Variants in CHRM3 observed in about 807,000 individuals in gnomAD.
The protein encoded by CHRM3 is cholinergic receptor muscarinic 3.
Under a neutral mutation model 41.8 loss-of-function variants are expected in CHRM3, and 11 were observed. The ratio of observed to expected loss-of-function variants is 0.26; its 90% confidence interval spans 0.17 to 0.44. CHRM3 has a LOEUF of 0.44. Among genes scored for constraint, CHRM3 ranks in the 20% least tolerant of loss-of-function variants. The pLI, the probability that CHRM3 is intolerant of heterozygous loss-of-function variation, is 1.00. For missense variants in CHRM3, 571 were observed against 745.4 expected (o/e 0.77, Z 2.72); for synonymous variants, 297 against 301.4 (o/e 0.99, Z 0.15).
At chr1:239,761,404 G>T (rs1572209230) in intron 5 of CHRM3, among the ~76,000 whole-genome samples, 3 of 152,190 alleles carry the variant, frequency 2.0e-5, no homozygotes, top group South Asian at 4.2e-4. Flanking sequence ...TTTATGTGTT[G>T]CATGTTTCTG....
intron 6 of CHRM3, among the ~76,000 whole-genome samples, chr1:239,862,930 T>C (rs1362283411): frequency 6.6e-6 from 1 of 152,240 alleles, no homozygotes; most frequent in Non-Finnish European, 1.5e-5. Flanking sequence ...AAGCTTGAGA[T>C]GAAAGATATA....
intron 6 of CHRM3, among the ~76,000 whole-genome samples, chr1:239,878,751 T>C (rs1477759598): frequency 6.6e-6 from 1 of 152,096 alleles, no homozygotes; most frequent in Admixed American, 6.5e-5. Flanking sequence ...TGCCCTCAGA[T>C]GATTACAGGT....
intron 5 of CHRM3, among the ~76,000 whole-genome samples, chr1:239,808,968 G>A (rs999653512): frequency 1.3e-5 from 2 of 150,218 alleles, no homozygotes; most frequent in African/African-American, 2.5e-5. Flanking sequence ...AAGTTGGTGA[G>A]TTGATATTTC....
intron 5 of CHRM3, among the ~76,000 whole-genome samples, chr1:239,679,543 G>A (rs16838681): frequency 0.035 from 5,266 of 152,096 alleles, 133 homozygotes; most frequent in Admixed American, 0.059. Flanking sequence ...ACCAGGTCAC[G>A]TTTATTCTTA....
At chr1:239,565,868 A>T (rs1661310134) in intron 3 of CHRM3, among the ~76,000 whole-genome samples, 2 of 151,476 alleles carry the variant, frequency 1.3e-5, no homozygotes, top group Non-Finnish European at 2.9e-5. Context: ...ACACCACATG[A>T]GAAACATGAG....
At chr1:239,598,166 A>G (rs1380139808) in intron 3 of CHRM3, among the ~76,000 whole-genome samples, 1 of 152,114 alleles carries the variant, frequency 6.6e-6, no homozygotes, top group Non-Finnish European at 1.5e-5. Flanking sequence ...GTGCTTTGTA[A>G]GACCCCAGGA....
At chr1:239,508,625 T>G (rs907542903) in intron 2 of CHRM3, among the ~76,000 whole-genome samples, 9 of 152,172 alleles carry the variant, frequency 5.9e-5, no homozygotes, top group Admixed American at 1.3e-4. Flanking sequence ...AAACTCCTAT[T>G]TATAATTCCA....
chr1:239,712,521 G>A (rs900352198), intron 5 of CHRM3, among the ~76,000 whole-genome samples: 2 of 152,178 alleles, frequency 1.3e-5, no homozygotes, highest in African/African-American at 4.8e-5. Flanking sequence ...AAGAACAGAA[G>A]TCTCTGTAAG....
chr1:239,879,342 A>T (rs866303394), intron 6 of CHRM3, among the ~76,000 whole-genome samples: 1 of 152,042 alleles, frequency 6.6e-6, no homozygotes, highest in South Asian at 2.1e-4. Context: ...CTGCTGGCCC[A>T]CCCTGCGAAG....
chr1:239,442,710 T>C (rs747434272), intron 1 of CHRM3, among the ~76,000 whole-genome samples: 11 of 152,186 alleles, frequency 7.2e-5, no homozygotes, highest in Non-Finnish European at 1.2e-4. Flanking sequence ...ACCCAGGTCT[T>C]ATTTTGAGTT....
At chr1:239,620,147 T>C (rs1419976340) in intron 3 of CHRM3, among the ~76,000 whole-genome samples, 1 of 152,224 alleles carries the variant, frequency 6.6e-6, no homozygotes, top group African/African-American at 2.4e-5. Flanking sequence ...TAGATCTGGA[T>C]GTGTTTTTCC....
intron 6 of CHRM3, among the ~76,000 whole-genome samples, chr1:239,860,916 A>AT (rs1675583340): frequency 6.6e-6 from 1 of 152,178 alleles, no homozygotes; most frequent in African/African-American, 2.4e-5. Flanking sequence ...TGTAGTCATT[A>AT]TATCTATTTT....
chr1:239,827,725 T>A (rs1672567366), intron 6 of CHRM3, among the ~76,000 whole-genome samples: 1 of 152,172 alleles, frequency 6.6e-6, no homozygotes, highest in African/African-American at 2.4e-5. Context: ...CACAGATAAT[T>A]TAAAAATCTT....
At chr1:239,696,652 C>G (rs905851114) in intron 5 of CHRM3, among the ~76,000 whole-genome samples, 1 of 152,164 alleles carries the variant, frequency 6.6e-6, no homozygotes, top group Non-Finnish European at 1.5e-5. Flanking sequence ...TTAAAGTACA[C>G]AGATTCAGTA....
chr1:239,875,955 TA>T (rs1677076390), intron 6 of CHRM3, among the ~76,000 whole-genome samples: 1 of 152,206 alleles, frequency 6.6e-6, no homozygotes, highest in Non-Finnish European at 1.5e-5. Flanking sequence ...TGAAATGTTG[TA>T]GGAGAAGGAA....
In CHRM3 at chr1:239,671,195, T is replaced by G. The variant is rs545266245; in HGVS notation, c.-249-6991T>G. On this transcript the variant is annotated intron_variant, in intron 4 of 6. Coordinates refer to ENST00000676153, the MANE Select transcript of CHRM3 (RefSeq NM_001375978.1). Reference sequence around the variant, plus strand: ...CATAGGATTACTAGACTCCTCAAATTCTAATCAACCATTTCTTCAACTCAG... The same window carrying G: ...CATAGGATTACTAGACTCCTCAAATGCTAATCAACCATTTCTTCAACTCAG... Among the ~76,000 whole-genome samples the G allele has an allele frequency of 3.0e-4, 45 of 152,314 alleles. No individual in the cohort carries two copies. The South Asian group carries it at 8.9e-3, about 30-fold the overall frequency.
At chr1:239,816,367 G>A (rs1447607856) in intron 5 of CHRM3, among the ~76,000 whole-genome samples, 5 of 151,976 alleles carry the variant, frequency 3.3e-5, no homozygotes, top group African/African-American at 2.4e-5. Flanking sequence ...TTAAATCTAC[G>A]TAATCCTGTT....
chr1:239,594,945 C>T (rs1412005490), intron 3 of CHRM3, among the ~76,000 whole-genome samples: 4 of 152,052 alleles, frequency 2.6e-5, no homozygotes, highest in South Asian at 2.1e-4. Flanking sequence ...CAAAATTAGC[C>T]GGGCGTGGTG....
chr1:239,569,512 T>C (rs2148528055), intron 3 of CHRM3, among the ~76,000 whole-genome samples: 1 of 152,332 alleles, frequency 6.6e-6, no homozygotes, highest in East Asian at 1.9e-4. Flanking sequence ...TTATGTATTT[T>C]CAGTAAGTTC....
Sources: gnomAD v4.1 joint callset for allele counts (sites outside exome capture counted in the v4.1 genomes callset) on GRCh38, gnomAD v4.1.1 for gene constraint, MANE v1.5 for transcripts, NCBI Gene and HGNC (gene_info 2026-07-23, HGNC 2026-07-21) for gene names.